Variants in EEFSEC observed in about 807,000 individuals in gnomAD.
EEFSEC encodes the protein eukaryotic elongation factor, selenocysteine-tRNA specific.
EEFSEC carries 43 observed loss-of-function variants against 42.1 expected under a neutral mutation model. That is an observed-to-expected ratio of 1.02 (90% CI 0.80 to 1.32). The LOEUF (loss-of-function observed/expected upper bound fraction) is 1.32, where lower values mean the gene tolerates loss of function less well. Among genes scored for constraint, EEFSEC ranks in the 40% most tolerant of loss-of-function variants. The pLI, the probability that EEFSEC is intolerant of heterozygous loss-of-function variation, is 0.00. For missense variants in EEFSEC, 745 were observed against 803.6 expected (o/e 0.93, Z 0.88); for synonymous variants, 354 against 339.1 (o/e 1.04, Z -0.48).
At chr3:128,304,131 C>T (rs1376789144) in intron 4 of EEFSEC, among the ~76,000 whole-genome samples, 1 of 146,040 alleles carries the variant, frequency 6.8e-6, no homozygotes, top group African/African-American at 2.5e-5. Context: ...CTCCCTATTT[C>T]TCCTTTTGTT....
intron 6 of EEFSEC, among the ~76,000 whole-genome samples, chr3:128,375,694 C>T (rs1189209972): frequency 6.6e-6 from 1 of 152,190 alleles, no homozygotes; most frequent in East Asian, 1.9e-4. Context: ...CTCCTTTGCG[C>T]ATCTCTTCCA....
At chr3:128,154,168 T>C (rs546039577) in intron 1 of EEFSEC, among the ~76,000 whole-genome samples, 214 of 151,604 alleles carry the variant, frequency 1.4e-3, no homozygotes, top group Non-Finnish European at 1.3e-3. Context: ...AAAAAGGGTA[T>C]ACATACAAAG....
chr3:128,393,808 G>T (rs759773914), intron 6 of EEFSEC, among the ~76,000 whole-genome samples: 1 of 152,276 alleles, frequency 6.6e-6, no homozygotes, highest in Non-Finnish European at 1.5e-5. Context: ...GGTACTGAGG[G>T]CTGTGAGGTA....
chr3:128,377,095 G>T (rs945243221), intron 6 of EEFSEC, among the ~76,000 whole-genome samples: 1 of 152,004 alleles, frequency 6.6e-6, no homozygotes, highest in Non-Finnish European at 1.5e-5. Flanking sequence ...AAGGAGATTT[G>T]CATGTTAAAG....
chr3:128,373,853 G>T (rs1276299742), intron 6 of EEFSEC, among the ~76,000 whole-genome samples: 1 of 152,164 alleles, frequency 6.6e-6, no homozygotes, highest in Non-Finnish European at 1.5e-5. Context: ...TAGAGAGAAA[G>T]CTTAAAAATC....
At chr3:128,384,802 C>T (rs569849822) in intron 6 of EEFSEC, among the ~76,000 whole-genome samples, 1 of 152,338 alleles carries the variant, frequency 6.6e-6, no homozygotes, top group Admixed American at 6.5e-5. Flanking sequence ...GACTCCTCCT[C>T]ACTGTCTGCC....
chr3:128,413,509 G>T (rs910735080), downstream of EEFSEC, among the ~76,000 whole-genome samples: 1 of 152,140 alleles, frequency 6.6e-6, no homozygotes, highest in Non-Finnish European at 1.5e-5. Context: ...CTGTCGGGCC[G>T]GCCCCGAACC....
chr3:128,417,063 G>A, the EEFSEC span, among the ~76,000 whole-genome samples: 14 of 152,064 alleles, frequency 9.2e-5, no homozygotes, highest in African/African-American at 3.1e-4. This position sits in a 1 kb window ranked among gnomAD's most constrained non-coding sequence, Gnocchi z 4.3. Context: ...AGCCTGTCCC[G>A]AATCAGTCAG....
intron 5 of EEFSEC, among the ~76,000 whole-genome samples, chr3:128,353,092 A>AT (rs1056345598): frequency 6.6e-6 from 1 of 152,070 alleles, no homozygotes; most frequent in Non-Finnish European, 1.5e-5. Flanking sequence ...AAACCAATCT[A>AT]TTTTTTTCAT....
chr3:128,384,841 C>T (rs572955423), intron 6 of EEFSEC, among the ~76,000 whole-genome samples: 21 of 152,324 alleles, frequency 1.4e-4, no homozygotes, highest in African/African-American at 5.1e-4. Flanking sequence ...TATCCCCCTT[C>T]CACAGAGGAA....
intron 1 of EEFSEC, among the ~76,000 whole-genome samples, chr3:128,221,002 T>G (rs2065856481): frequency 6.6e-6 from 1 of 152,264 alleles, no homozygotes. Context: ...TCAGTACATT[T>G]GGTTTCCATC....
At chr3:128,368,789 G>T (rs949727072) in intron 6 of EEFSEC, among the ~76,000 whole-genome samples, 1 of 152,252 alleles carries the variant, frequency 6.6e-6, no homozygotes, top group African/African-American at 2.4e-5. Flanking sequence ...GGCGTTGGGA[G>T]TGGGCTGCCA....
intron 1 of EEFSEC, among the ~76,000 whole-genome samples, chr3:128,180,363 C>T (rs963121895): frequency 6.6e-6 from 1 of 152,190 alleles, no homozygotes; most frequent in South Asian, 2.1e-4. Context: ...TTTGACAACA[C>T]CGTTTTTCTT....
At chr3:128,169,760 C>G (rs1002114797) in intron 1 of EEFSEC, among the ~76,000 whole-genome samples, 2 of 152,160 alleles carry the variant, frequency 1.3e-5, no homozygotes, top group Non-Finnish European at 2.9e-5. Context: ...ACCACTAACT[C>G]AAGAATTAGA....
At chr3:128,249,618 T>C (rs775908685) in intron 2 of EEFSEC, among the ~76,000 whole-genome samples, 3 of 152,154 alleles carry the variant, frequency 2.0e-5, no homozygotes, top group Non-Finnish European at 4.4e-5. Context: ...CCTGGCAACC[T>C]CTATTCTGCT....
chr3:128,280,768 C>T (rs1213660284), intron 4 of EEFSEC, among the ~76,000 whole-genome samples: 2 of 152,242 alleles, frequency 1.3e-5, no homozygotes, highest in Admixed American at 1.3e-4. Context: ...CACCAACCCT[C>T]ACCCCCTTCT....
At chr3:128,267,834 G>A (rs866275152) in intron 4 of EEFSEC, among the ~76,000 whole-genome samples, 9 of 152,218 alleles carry the variant, frequency 5.9e-5, no homozygotes, top group Non-Finnish European at 1.2e-4. Flanking sequence ...GCGGAGAGCC[G>A]TCTTGGCTAA....
At chr3:128,210,711 A>G (rs542095265) in intron 1 of EEFSEC, among the ~76,000 whole-genome samples, 58 of 152,344 alleles carry the variant, frequency 3.8e-4, no homozygotes, top group African/African-American at 1.4e-3. Context: ...TTCCCCTGGA[A>G]TGAAAGAAGC....
At chr3:128,190,920 G>T (rs1475724271) in intron 1 of EEFSEC, among the ~76,000 whole-genome samples, 5 of 152,240 alleles carry the variant, frequency 3.3e-5, no homozygotes, top group African/African-American at 1.2e-4. Context: ...TGCCTCGCCT[G>T]GGGGTATTTT....
Sources: gnomAD v4.1 joint callset for allele counts (sites outside exome capture counted in the v4.1 genomes callset) on GRCh38, gnomAD v4.1.1 for gene constraint, Gnocchi (gnomAD v3.1) non-coding constraint, MANE v1.5 for transcripts, NCBI Gene and HGNC (gene_info 2026-07-23, HGNC 2026-07-21) for gene names.